Variants in ZFAT observed in about 807,000 individuals in gnomAD.
ZFAT encodes zinc finger protein ZFAT.
ZFAT carries 64 observed loss-of-function variants against 117.7 expected under a neutral mutation model. The observed-to-expected ratio is 0.54, with a 90% CI of 0.44 to 0.67. The LOEUF (loss-of-function observed/expected upper bound fraction) is 0.67. ZFAT is among the 30% of genes least tolerant of loss of function. ZFAT has a pLI of 0.00. For synonymous variants in ZFAT, 679 were observed against 615.0 expected (o/e 1.10, Z -1.54); for missense variants, 1,433 against 1,584.5 (o/e 0.90, Z 1.62).
In ZFAT at chr8:134,610,458, T is replaced by C. The variant is rs374740518; in HGVS notation, c.634+12A>G. ...GGGTCTTGCCTTTTCCTTTCCCGCTTGGTGCAGTCACCTGGAATTGCTTCG... is the reference window on the plus strand; with the variant it reads ...GGGTCTTGCCTTTTCCTTTCCCGCTCGGTGCAGTCACCTGGAATTGCTTCG... On this transcript the variant is annotated intron_variant, in intron 4 of 15. Coordinates refer to ENST00000377838, the MANE Select transcript of ZFAT (RefSeq NM_020863.4). 1.7e-5 allele frequency: 27 copies of C among 1,608,604 alleles called. No individual in the cohort carries two copies. The African/African-American group carries it at 3.0e-4, about 18-fold the overall frequency.
chr8:134,821,595 G>T, the ZFAT span, among the ~76,000 whole-genome samples: 5 of 151,108 alleles, frequency 3.3e-5, no homozygotes, highest in African/African-American at 7.3e-5. Flanking sequence ...CAAAAAAGAA[G>T]ACTGAAGTAG....
chr8:134,756,381 G>A, the ZFAT span, among the ~76,000 whole-genome samples: 2 of 152,222 alleles, frequency 1.3e-5, no homozygotes, highest in Non-Finnish European at 2.9e-5. Context: ...GGAATGAAAC[G>A]TTCAGGAACG....
intron 3 of ZFAT, among the ~76,000 whole-genome samples, chr8:134,618,733 CAT>C (rs1828909610): frequency 6.6e-6 from 1 of 152,314 alleles, no homozygotes; most frequent in African/African-American, 2.4e-5. Context: ...AACAAAATAT[CAT>C]TTCTGCACAA....
At chr8:134,539,455 C>A (rs560025727) in intron 11 of ZFAT, among the ~76,000 whole-genome samples, 15 of 152,250 alleles carry the variant, frequency 9.9e-5, no homozygotes, top group Admixed American at 9.8e-4. Flanking sequence ...TGTTGATAAG[C>A]CTACCTTGGA....
Position 134,712,997 on chromosome 8 carries a change from G to A in ZFAT, c.-134C>T. ...TTTTTTTAAGAAAAGAGCCGGCGAG[G>A]TTATGGCGAATCTGCGGCATCCAAC... On this transcript the variant is annotated 5_prime_UTR_variant, in exon 1 of 16. Transcript: ENST00000377838. 9.1e-7 allele frequency: 1 copy of A among 1,097,490 alleles called. No homozygotes were observed. Among genetic ancestry groups the A allele is most frequent in the African/African-American group, 1.7e-5 (1 of 60,174 alleles). The allele number at this position is 1,097,490 out of a possible 1,614,324, so 68.0% of individuals were successfully genotyped here.
chr8:134,785,100 A>G, the ZFAT span: 2 of 152,192 alleles, frequency 1.3e-5, no homozygotes, highest in African/African-American at 4.8e-5. Flanking sequence ...CCAATCCCTG[A>G]TATTATCTGA....
At chr8:134,507,165 T>C (rs546151150) in intron 15 of ZFAT, among the ~76,000 whole-genome samples, 224 of 152,318 alleles carry the variant, frequency 1.5e-3, no homozygotes, top group African/African-American at 5.2e-3. Flanking sequence ...GCAGATATAA[T>C]TTCTTGACTG....
chr8:134,789,055 G>C, the ZFAT span, among the ~76,000 whole-genome samples: 2 of 151,836 alleles, frequency 1.3e-5, no homozygotes, highest in Non-Finnish European at 2.9e-5. Flanking sequence ...AAAGTATTTG[G>C]GTTTCTATTT....
In ZFAT at chr8:134,608,836, T is replaced by C. The variant is rs1240821714; in HGVS notation, c.678A>G (p.Thr226=). The C allele has an allele frequency of 6.2e-7, 1 of 1,610,490 alleles. No homozygotes were observed. The highest frequency in any genetic ancestry group is 8.5e-7 in the Non-Finnish European group (1 of 1,178,620). Residue 226 remains threonine, a synonymous_variant, in exon 5 of 16, where the codon ACA becomes ACG. Transcript: ENST00000377838. ...AAGTGGTCTCAGAATTTGTAGCTCC[T>C]GTTTCAGGGGGCCCAGCCTCCACTG... ...IVPVEAGPPE[T]GATNSETTSA... is the part of the protein sequence containing the mutation.
At chr8:134,705,677 A>G (rs1041950034) in intron 1 of ZFAT, among the ~76,000 whole-genome samples, 8 of 151,194 alleles carry the variant, frequency 5.3e-5, no homozygotes, top group Non-Finnish European at 7.4e-5. Context: ...TACAGGCATG[A>G]GCCACCAAGC....
intron 14 of ZFAT, among the ~76,000 whole-genome samples, 155 bp from the exon 15 acceptor site, chr8:134,509,904 T>C (rs1010282379): frequency 3.3e-5 from 5 of 152,136 alleles, no homozygotes; most frequent in Admixed American, 2.6e-4. Context: ...AAATAATCTG[T>C]ATAGTGCTTT....
At chr8:134,523,929 A>G (rs1252182290) in intron 12 of ZFAT, among the ~76,000 whole-genome samples, 1 of 152,190 alleles carries the variant, frequency 6.6e-6, no homozygotes, top group South Asian at 2.1e-4. Flanking sequence ...ACATTGTATT[A>G]TTATCTTTCC....
At chr8:134,537,674 A>G (rs754522281) in intron 11 of ZFAT, among the ~76,000 whole-genome samples, 5 of 152,240 alleles carry the variant, frequency 3.3e-5, no homozygotes, top group Non-Finnish European at 5.9e-5. Context: ...TGGAAGTTAA[A>G]TGGAAAAATG....
intron 10 of ZFAT, among the ~76,000 whole-genome samples, chr8:134,569,246 G>A (rs769547403): frequency 6.6e-6 from 1 of 152,040 alleles, no homozygotes; most frequent in Non-Finnish European, 1.5e-5. Flanking sequence ...GTACTTGCCA[G>A]ATCACGAAGC....
chr8:134,729,826 G>C, the ZFAT span, among the ~76,000 whole-genome samples: 4 of 152,130 alleles, frequency 2.6e-5, no homozygotes, highest in Admixed American at 2.6e-4. Context: ...TTCCCCGTTT[G>C]TAAAACAAAA....
chr8:134,633,312 C>T (rs1830009533), intron 3 of ZFAT, among the ~76,000 whole-genome samples: 1 of 151,934 alleles, frequency 6.6e-6, no homozygotes, highest in Admixed American at 6.6e-5. Flanking sequence ...ACAGCAACTG[C>T]AAAATAAAAA....
In ZFAT at chr8:134,602,592, G is replaced by A. The variant is rs199724546; in HGVS notation, c.1127C>T (p.Ala376Val). 165 of 1,614,100 alleles carry A rather than the reference G, an allele frequency of 1.0e-4. No homozygotes were observed. The African/African-American group carries it at 1.1e-3, about 11-fold the overall frequency. Reference protein sequence around the residue: ...VKNLIKHIRDAHDPQDKKVKE... With the variant: ...VKNLIKHIRDVHDPQDKKVKE... ...GACCTTCTTGTCCTGTGGGTCATGC[G>A]CGTCTCGGATGTGCTTGATGAGGTT... Residue 376 changes from alanine (A) to valine (V), a missense_variant, in exon 6 of 16, where the codon GCG (alanine) becomes GTG (valine). This residue lies in a region of ZFAT where 436 missense variants were observed against 482.0 expected (regional missense o/e 0.90). Transcript: ENST00000377838.
At chr8:134,531,313 C>T (rs1045539723) in intron 12 of ZFAT, among the ~76,000 whole-genome samples, 9 of 152,072 alleles carry the variant, frequency 5.9e-5, no homozygotes, top group African/African-American at 1.2e-4. Flanking sequence ...GTGAAGGATG[C>T]GAAAAAGAAT....
intron 1 of ZFAT, among the ~76,000 whole-genome samples, chr8:134,677,045 G>C (rs1458480186): frequency 6.6e-6 from 1 of 152,024 alleles, no homozygotes; most frequent in Admixed American, 6.6e-5. Flanking sequence ...AACTAGAGAA[G>C]AGCAAACAAA....
Sources: gnomAD v4.1 joint callset for allele counts (sites outside exome capture counted in the v4.1 genomes callset) on GRCh38, gnomAD v4.1.1 for gene constraint, gnomAD v4.1.1 regional missense constraint, MANE v1.5 for transcripts, NCBI Gene and HGNC (gene_info 2026-07-23, HGNC 2026-07-21) for gene names.